The following CP variants were observed in gnomAD, a reference collection of about 807,000 sequenced individuals.
CP encodes caeruloplasmin.
CP carries 64 observed loss-of-function variants against 122.4 expected under a neutral mutation model. That is an observed-to-expected ratio of 0.52 (90% CI 0.43 to 0.64). The LOEUF is 0.64. Among genes scored for constraint, CP ranks in the 30% least tolerant of loss-of-function variants. CP has a pLI of 0.00. For synonymous variants in CP, 440 were observed against 436.4 expected, an observed-to-expected ratio of 1.01 and a Z score of -0.10; for missense variants, 1,167 against 1,284.4, an observed-to-expected ratio of 0.91 and a Z score of 1.40.
chr3:149,184,025 CTTCTTTT>C (rs1725973470), intron 12 of CP, among the ~76,000 whole-genome samples: 3 of 66,306 alleles, frequency 4.5e-5, no homozygotes, highest in Non-Finnish European at 1.0e-4. Flanking sequence ...TTTTCACTTA[CTTCTTTT>C]TTTTTTTTTT....
downstream of CP, among the ~76,000 whole-genome samples, chr3:149,171,120 A>T (rs1724941564): frequency 6.6e-6 from 1 of 152,200 alleles, no homozygotes; most frequent in Non-Finnish European, 1.5e-5. Flanking sequence ...TCTACTAAAA[A>T]TACAAAAATT....
At chr3:149,180,295 A>G (rs1725693543) in intron 14 of CP, among the ~76,000 whole-genome samples, 1 of 152,144 alleles carries the variant, frequency 6.6e-6, no homozygotes, top group Non-Finnish European at 1.5e-5. Context: ...CTACTCCCAC[A>G]TACAGGACAT....
At chr3:149,201,701 A>C (rs1043355251) in intron 7 of CP, among the ~76,000 whole-genome samples, 2 of 151,922 alleles carry the variant, frequency 1.3e-5, no homozygotes, top group African/African-American at 4.8e-5. Context: ...AGCGATTCTC[A>C]TGCCTCAGCA....
intron 10 of CP, chr3:149,187,827 C>A (rs1726275069): frequency 3.8e-6 from 2 of 520,904 alleles, no homozygotes. Flanking sequence ...ATAGGGACCA[C>A]ACTTTAAGGA....
intron 9 of CP, among the ~76,000 whole-genome samples, chr3:149,193,673 T>C (rs1726697333): frequency 1.3e-5 from 2 of 152,234 alleles, no homozygotes; most frequent in Admixed American, 1.3e-4. Context: ...TCACATTGTG[T>C]TGTATGCATT....
chr3:149,171,698 CTTTT>C (rs1170000443), downstream of CP, among the ~76,000 whole-genome samples: 24 of 118,248 alleles, frequency 2.0e-4, no homozygotes, highest in Admixed American at 1.4e-3. Flanking sequence ...GAACTGGCTT[CTTTT>C]TTTTTTTTTT....
chr3:149,188,490 CAAAAAAAAAAAAAA>C lies in CP; in HGVS notation c.1714-302_1714-289del, dbSNP rs60815739. On this transcript the variant is annotated intron_variant, in intron 9 of 18. Coordinates refer to ENST00000264613, the MANE Select transcript of CP (RefSeq NM_000096.4). ...CATTGTGCATACCAATTGAAGCCTC[CAAAAAAAAAAAAAA>C]AAAAAAAAAAAAAAAGTTAAAATAG... Among the ~76,000 whole-genome samples the C allele has an allele frequency of 2.6e-4, 12 of 46,104 alleles. No individual in the cohort carries two copies. In the East Asian group the frequency reaches 0.014, roughly 53 times the overall value. 30.2% of individuals were successfully genotyped at this position (46,104 alleles called of 152,430 possible). A position where few individuals can be genotyped will look rare whatever the true frequency, so the allele number is the denominator to read the frequency against.
At chr3:149,185,208 T>C (rs1222253819) in intron 12 of CP, 31 bp downstream of exon 12, 1 of 1,608,230 alleles carries the variant, frequency 6.2e-7, no homozygotes, top group Admixed American at 1.7e-5. Context: ...AAATTACTGC[T>C]GAAATTGGGA....
exon 5 of CP, chr3:149,165,987 A>G (rs578262136): frequency 6.1e-5 from 28 of 456,034 alleles, no homozygotes; most frequent in Non-Finnish European, 1.2e-4. Flanking sequence ...TTGGAATAAA[A>G]TAATCACACT....
intron 9 of CP, 90 bp from the exon 10 acceptor site, chr3:149,188,292 A>G (rs2108244587): frequency 9.0e-7 from 1 of 1,105,662 alleles, no homozygotes; most frequent in East Asian, 2.4e-5. Flanking sequence ...AAACACACCT[A>G]AAGGAAAGAA....
At chr3:149,209,160 A>G (rs1168984921) in intron 4 of CP, 51 bp downstream of exon 4, 2 of 1,608,296 alleles carry the variant, frequency 1.2e-6, no homozygotes, top group Non-Finnish European at 8.5e-7. Context: ...TAGCAGAATT[A>G]ATGGATCAAG....
In CP at chr3:149,210,284, C is replaced by A; in HGVS notation, c.490G>T (p.Glu164Ter). Residue 164 changes from glutamate (E) to a stop codon, truncating the protein, a stop_gained, in exon 3 of 19, where the codon GAA becomes TAA. Coordinates refer to ENST00000264613, the MANE Select transcript of CP (RefSeq NM_000096.4). LOFTEE classifies it high-confidence loss of function. ...CCATCTCCTTCCCCAGGACTTTGTT[C>A]TTCAGTGGCAAGCAACATGTATGTA... ...QYTYMLLATE[E>*]QSPGEGDGNC... 1 of 1,614,070 alleles carries A rather than the reference C, an allele frequency of 6.2e-7. No homozygotes were observed. The highest frequency in any genetic ancestry group is 1.1e-5 in the South Asian group (1 of 91,082).
chr3:149,194,843 T>A (rs976284445), intron 9 of CP, among the ~76,000 whole-genome samples: 2 of 151,858 alleles, frequency 1.3e-5, no homozygotes, highest in African/African-American at 4.8e-5. Context: ...GTAGAAAGAA[T>A]AAGGAAGCAA....
In CP at chr3:149,206,305, A is replaced by G. The variant is rs748139767; in HGVS notation, c.1071T>C (p.Cys357=). The change falls in exon 6 of 19, where the codon TGT becomes TGC. Residue 357 remains cysteine (C), a synonymous_variant. Coordinates refer to ENST00000264613, the MANE Select transcript of CP (RefSeq NM_000096.4). ...GLQAFFQVQE[C]NKSSSKDNIR... is the part of the protein sequence containing the mutation. ...TATTATCCTTTGATGAAGACTTGTT[A>G]CACTCCTGGACCTGGAAAAAGGCTT... is the stretch of plus-strand genomic sequence containing the variant. 7 of 1,613,978 alleles carry G rather than the reference A, an allele frequency of 4.3e-6. No homozygotes were observed. The South Asian group carries it at 7.7e-5, about 18-fold the overall frequency.
intron 16 of CP, 28 bp from the exon 17 acceptor site, chr3:149,178,007 C>G: frequency 6.2e-7 from 1 of 1,603,476 alleles, no homozygotes; most frequent in South Asian, 1.1e-5. Context: ...TTTTATGTTA[C>G]TTTTCAGGAT....
chr3:149,174,765 A>T (rs1260942821), intron 18 of CP, among the ~76,000 whole-genome samples: 1 of 152,154 alleles, frequency 6.6e-6, no homozygotes, highest in Non-Finnish European at 1.5e-5. Flanking sequence ...ACTGATAAAC[A>T]TGGCCACTGA....
At chr3:149,213,615 A>T (rs1728257654) in intron 1 of CP, among the ~76,000 whole-genome samples, 1 of 149,108 alleles carries the variant, frequency 6.7e-6, no homozygotes, top group Non-Finnish European at 1.5e-5. Context: ...TTGAATAAAA[A>T]CTGCTCATCA....
downstream of CP, among the ~76,000 whole-genome samples, chr3:149,171,122 A>G (rs1205165398): frequency 6.6e-6 from 1 of 152,174 alleles, no homozygotes; most frequent in African/African-American, 2.4e-5. Context: ...TACTAAAAAT[A>G]CAAAAATTAG....
intron 15 of CP, 91 bp downstream of exon 15, chr3:149,179,465 G>T: frequency 1.0e-6 from 1 of 965,308 alleles, no homozygotes; most frequent in Non-Finnish European, 1.6e-6. Flanking sequence ...TTTTAACGTA[G>T]AATTGGACCA....
Sources: allele counts gnomAD v4.1 joint callset (sites outside exome capture counted in the v4.1 genomes callset), GRCh38; gene constraint gnomAD v4.1.1; transcripts MANE v1.5; gene names NCBI Gene and HGNC (gene_info 2026-07-23, HGNC 2026-07-21).